The following DPYSL5 variants were observed in gnomAD, a reference collection of about 807,000 sequenced individuals.
DPYSL5 encodes dihydropyrimidinase like 5, also known as dihydropyrimidinase-related protein 5.
Under a neutral mutation model 58.4 loss-of-function variants are expected in DPYSL5, and 9 were observed. The ratio of observed to expected loss-of-function variants is 0.15; its 90% CI spans 0.09 to 0.27. The LOEUF is 0.27. DPYSL5 is among the 10% of genes least tolerant of loss of function. The pLI is 1.00. For synonymous variants in DPYSL5, 293 were observed against 301.9 expected (o/e 0.97, Z 0.31); for missense variants, 499 against 770.6 (o/e 0.65, Z 4.17).
chr2:26,851,335 T>TGTTTTTACAGGGATCTTGGAGA, intron 1 of DPYSL5, among the ~76,000 whole-genome samples: 2 of 130,536 alleles, frequency 1.5e-5, no homozygotes, highest in African/African-American at 6.4e-5. Flanking sequence ...ATGACCAGCC[T>TGTTTTTACAGGGATCTTGGAGA]GACGTGAAGG....
In DPYSL5 at chr2:26,927,181, G is replaced by A; in HGVS notation, c.421-72G>A. The A allele has an allele frequency of 4.0e-6, 6 of 1,490,134 alleles. No homozygotes were observed. The South Asian group carries it at 6.5e-5, about 16-fold the overall frequency. The allele number at this position is 1,490,134 out of a possible 1,614,324, so 92.3% of individuals were successfully genotyped here. ...GCAGGCCCCACATCTCCCCCATGCTGGGCCGGTGCCTGCCAGTCGGCCTCT... is the reference window on the plus strand; with the variant it reads ...GCAGGCCCCACATCTCCCCCATGCTAGGCCGGTGCCTGCCAGTCGGCCTCT... On this transcript the variant is annotated intron_variant, in intron 3 of 12. Coordinates refer to ENST00000288699, the MANE Select transcript of DPYSL5 (RefSeq NM_020134.4). The surrounding 1 kb of genome is among the most constrained non-coding windows in gnomAD (Gnocchi z 4.3).
chr2:26,882,109 A>AAAAG (rs1558329538), intron 1 of DPYSL5, among the ~76,000 whole-genome samples: 3 of 151,502 alleles, frequency 2.0e-5, no homozygotes, highest in Non-Finnish European at 4.4e-5. Context: ...AAAAAAAAAA[A>AAAAG]AAAGAAAGAA....
chr2:26,927,844 G>A lies in DPYSL5; in HGVS notation c.601-411G>A, dbSNP rs1664865543. Reference sequence around the variant, plus strand: ...AGAGATCTATTCATGGCACCAGGAAGGATAAGCCTCTGGTGCATTCTCCTA... The same window carrying A: ...AGAGATCTATTCATGGCACCAGGAAAGATAAGCCTCTGGTGCATTCTCCTA... On this transcript the variant is annotated intron_variant, in intron 4 of 12. Coordinates refer to ENST00000288699, the MANE Select transcript of DPYSL5 (RefSeq NM_020134.4). The surrounding 1 kb of genome is among the most constrained non-coding windows in gnomAD (Gnocchi z 4.3). Among the ~76,000 whole-genome samples, 1 of 152,188 alleles carries A rather than the reference G, an allele frequency of 6.6e-6. No homozygotes were observed. Among genetic ancestry groups the A allele is most frequent in the Admixed American group, 6.5e-5 (1 of 15,278 alleles).
intron 1 of DPYSL5, among the ~76,000 whole-genome samples, chr2:26,892,476 C>T (rs1049601415): frequency 3.9e-5 from 6 of 152,054 alleles, no homozygotes; most frequent in African/African-American, 1.2e-4. Flanking sequence ...ATTGACATAA[C>T]GATTATGCAG....
Position 26,898,753 on chromosome 2 carries a change from G to A in DPYSL5, c.254G>A (p.Gly85Glu). 6.2e-7 allele frequency: 1 copy of A among 1,606,584 alleles called. No individual in the cohort carries two copies. The highest frequency in any genetic ancestry group is 8.5e-7 in the Non-Finnish European group (1 of 1,174,610). The change falls in exon 2 of 13, where the codon GGG becomes GAG. Residue 85 changes from glycine (G) to glutamate (E), a missense_variant. Around this residue, in one of 3 missense-constraint regions of DPYSL5, gnomAD observed 404 missense variants for 647.6 expected, o/e 0.62. Coordinates refer to ENST00000288699, the MANE Select transcript of DPYSL5 (RefSeq NM_020134.4). This position sits in a 1 kb window ranked among gnomAD's most constrained non-coding sequence, Gnocchi z 6.1. ...ACGTGCGTGGACGACTTCTACCATGGGACCAAGGTAATGCTCCTGTTTGCC... is the reference window on the plus strand; with the variant it reads ...ACGTGCGTGGACGACTTCTACCATGAGACCAAGGTAATGCTCCTGTTTGCC... ...NATCVDDFYHGTKAALVGGTT... is the reference protein window; with the variant it reads ...NATCVDDFYHETKAALVGGTT...
At chr2:26,903,642 C>T (rs902672287) in intron 2 of DPYSL5, among the ~76,000 whole-genome samples, 1 of 152,070 alleles carries the variant, frequency 6.6e-6, no homozygotes, top group Non-Finnish European at 1.5e-5. Context: ...GGCTGACATC[C>T]GAATCCCCTG....
rs761542505 is a variant in DPYSL5 at position 26,940,220 on chromosome 2, C to T, written c.1089+48C>T. 1.3e-5 allele frequency: 21 copies of T among 1,600,482 alleles called. 1 individual carries two copies. In the Admixed American group the frequency reaches 1.8e-4, roughly 14 times the overall value. On this transcript the variant is annotated intron_variant, in intron 9 of 12. Transcript: ENST00000288699. The stretch of plus-strand genomic sequence containing the variant: ...CCGATCTGATCCCTGCTCTAATCCC[C>T]GTTTCATCCCCGTTCTAATCCCAAT...
Position 26,949,241 on chromosome 2 carries a change from T to C in DPYSL5, c.*2246T>C, listed in dbSNP as rs766090510. 6.6e-6 allele frequency: 1 copy of C among 152,242 alleles called. No individual in the cohort carries two copies. Among genetic ancestry groups the C allele is most frequent in the Non-Finnish European group, 1.5e-5 (1 of 68,048 alleles). 9.4% of individuals were successfully genotyped at this position (152,242 alleles called of 1,614,324 possible). On this transcript the variant is annotated 3_prime_UTR_variant, in exon 13 of 13. Transcript: ENST00000288699. The stretch of plus-strand genomic sequence containing the variant: ...AAACAACCTCATGCACATTCTGTGT[T>C]TGAGCCAAGACTAGTCACCCATTGG...
chr2:26,892,414 C>A (rs1218249905), intron 1 of DPYSL5, among the ~76,000 whole-genome samples: 4 of 152,220 alleles, frequency 2.6e-5, no homozygotes, highest in South Asian at 2.1e-4. Flanking sequence ...GTTCTCCAAC[C>A]TCCAAGCATG....
chr2:26,909,871 A>G (rs368209650), intron 2 of DPYSL5, among the ~76,000 whole-genome samples: 63 of 150,194 alleles, frequency 4.2e-4, no homozygotes, highest in Middle Eastern at 3.4e-3. Flanking sequence ...GCCACCTTTA[A>G]AAAAAAAAGG....
At position 26,927,643 on chromosome 2, in the gene DPYSL5, A is replaced by T. The variant is rs1300570935; in HGVS notation, c.600+211A>T. Among the ~76,000 whole-genome samples, 1 of 152,246 alleles carries T rather than the reference A, an allele frequency of 6.6e-6. No individual in the cohort carries two copies. The stretch of plus-strand genomic sequence containing the variant: ...AAAAACAAATCTCTTTTTATGGTTC[A>T]AAAAGGCTTCTAAGTCGTAGGTGAT... On this transcript the variant is annotated intron_variant, in intron 4 of 12. Transcript: ENST00000288699. This position sits in a 1 kb window ranked among gnomAD's most constrained non-coding sequence, Gnocchi z 4.3.
At chr2:26,882,090 CAAAAAAAAAAAA>C (rs752138649) in intron 1 of DPYSL5, among the ~76,000 whole-genome samples, 1 of 41,088 alleles carries the variant, frequency 2.4e-5, no homozygotes, top group Non-Finnish European at 5.2e-5. Flanking sequence ...GACTCCATCT[CAAAAAAAAAAAA>C]AAAAAAAAAA....
intron 2 of DPYSL5, among the ~76,000 whole-genome samples, chr2:26,914,308 G>T (rs1664510141): frequency 6.6e-6 from 1 of 152,244 alleles, no homozygotes; most frequent in South Asian, 2.1e-4. Flanking sequence ...CCTTCCGGTA[G>T]ATTCTCTCTG....
chr2:26,848,532 G>T (rs1336842800), intron 1 of DPYSL5: 1 of 152,420 alleles, frequency 6.6e-6, no homozygotes, highest in Non-Finnish European at 1.5e-5. Flanking sequence ...GGGTTGCAAA[G>T]CCCTGGGGTG....
Position 26,898,876 on chromosome 2 carries a change from G to T in DPYSL5, c.261+116G>T. The T allele has an allele frequency of 7.6e-7, 1 of 1,320,352 alleles. No homozygotes were observed. Among genetic ancestry groups the T allele is most frequent in the East Asian group, 2.4e-5 (1 of 41,746 alleles). The allele number at this position is 1,320,352 out of a possible 1,614,324, so 81.8% of individuals were successfully genotyped here. A position where few individuals can be genotyped will look rare whatever the true frequency, so the allele number is the denominator to read the frequency against. ...TGCTCCCAGTGTATTGCTGGCAGGA[G>T]AAGGGTGTGTCAGGGCCACTGTGGC... On this transcript the variant is annotated intron_variant, in intron 2 of 12. Coordinates refer to ENST00000288699, the MANE Select transcript of DPYSL5 (RefSeq NM_020134.4). The surrounding 1 kb of genome is among the most constrained non-coding windows in gnomAD (Gnocchi z 6.1).
rs993822760 is a variant in DPYSL5, at chr2:26,944,192, G to A, written c.1441-464G>A. Reference sequence around the variant, plus strand: ...TAATCCTAGCTACTTGGGAGGCTGAGGCAGGAGAATCACTTTGCGGGGGCG... The same window carrying A: ...TAATCCTAGCTACTTGGGAGGCTGAAGCAGGAGAATCACTTTGCGGGGGCG... On this transcript the variant is annotated intron_variant, in intron 11 of 12. Transcript: ENST00000288699. The surrounding 1 kb of genome is among the most constrained non-coding windows in gnomAD (Gnocchi z 4.4). Among the ~76,000 whole-genome samples the A allele has an allele frequency of 6.6e-6, 1 of 152,158 alleles. No homozygotes were observed. The highest frequency in any genetic ancestry group is 1.5e-5 in the Non-Finnish European group (1 of 68,020).
At chr2:26,914,979 C>T (rs974021472) in intron 2 of DPYSL5, among the ~76,000 whole-genome samples, 1 of 152,142 alleles carries the variant, frequency 6.6e-6, no homozygotes, top group Non-Finnish European at 1.5e-5. Flanking sequence ...AATTCCTTCC[C>T]AGTCTCCTTC....
At chr2:26,941,908 C>A (rs764257438) in intron 9 of DPYSL5, 42 bp from the exon 10 acceptor site, 1 of 1,612,886 alleles carries the variant, frequency 6.2e-7, no homozygotes, top group Non-Finnish European at 8.5e-7. Flanking sequence ...TGAGACCCAC[C>A]CCCAGAGCCT....
intron 1 of DPYSL5, among the ~76,000 whole-genome samples, chr2:26,858,553 C>A (rs1665935274): frequency 6.6e-6 from 1 of 151,258 alleles, no homozygotes; most frequent in Non-Finnish European, 1.5e-5. Context: ...TATTTCATAT[C>A]TTTTATAATA....
Sources: gnomAD v4.1 joint callset for allele counts (sites outside exome capture counted in the v4.1 genomes callset) on GRCh38, gnomAD v4.1.1 for gene constraint, gnomAD v4.1.1 regional missense constraint, Gnocchi (gnomAD v3.1) non-coding constraint, MANE v1.5 for transcripts, NCBI Gene and HGNC (gene_info 2026-07-23, HGNC 2026-07-21) for gene names.